ASS1: variants seen among roughly 807,000 people sequenced by gnomAD.
ASS1 encodes the protein argininosuccinate synthase 1.
Under a neutral mutation model 60.5 loss-of-function variants are expected in ASS1, and 58 were observed. That is an observed-to-expected ratio of 0.96 (90% CI 0.78 to 1.19). The LOEUF (loss-of-function observed/expected upper bound fraction) is 1.19. Among genes scored for constraint, ASS1 ranks in the 50% most tolerant of loss-of-function variants. The pLI is 0.00. For missense variants in ASS1, 454 were observed against 547.3 expected, an observed-to-expected ratio of 0.83 and a Z score of 1.70; for synonymous variants, 200 against 206.9, an observed-to-expected ratio of 0.97 and a Z score of 0.29.
At chr9:130,465,037 TATATA>T (rs1564906850) in intron 5 of ASS1, among the ~76,000 whole-genome samples, 15 of 119,318 alleles carry the variant, frequency 1.3e-4, no homozygotes, top group African/African-American at 5.1e-4. Context: ...ATATGTTTTA[TATATA>T]TATATATATA....
At position 130,479,015 on chromosome 9, in the gene ASS1, T is replaced by C. The variant is rs75912463; in HGVS notation, c.689-701T>C. Among the ~76,000 whole-genome samples the C allele has an allele frequency of 9.1e-3, 1,386 of 152,258 alleles. 8 individuals are homozygous for C. The highest frequency in any genetic ancestry group is 0.013 in the Non-Finnish European group (916 of 68,012). Reference sequence around the variant, plus strand: ...TTCTTTGTCACTGTTTCAGCTCTCTTGTTAGCCCCAATACATTTATTGCTC... The same window carrying C: ...TTCTTTGTCACTGTTTCAGCTCTCTCGTTAGCCCCAATACATTTATTGCTC... On this transcript the variant is annotated intron_variant, in intron 9 of 14. Coordinates refer to ENST00000352480, the MANE Select transcript of ASS1 (RefSeq NM_054012.4).
intron 1 of ASS1, among the ~76,000 whole-genome samples, chr9:130,446,072 G>A (rs1441100940): frequency 2.0e-5 from 3 of 152,056 alleles, no homozygotes; most frequent in Admixed American, 6.5e-5. Flanking sequence ...GGCTGGCCTC[G>A]AGCTCCTGGG....
chr9:130,453,463 G>T (rs1033428310), intron 2 of ASS1, among the ~76,000 whole-genome samples: 1 of 152,238 alleles, frequency 6.6e-6, no homozygotes, highest in Non-Finnish European at 1.5e-5. Context: ...CCCAGGGGAA[G>T]AAATACTTTG....
At chr9:130,466,447 G>A in intron 5 of ASS1, 2 of 538,280 alleles carry the variant, frequency 3.7e-6, no homozygotes, top group African/African-American at 1.9e-5. Flanking sequence ...GTCTCATCTG[G>A]GGAGACTGAG....
intron 9 of ASS1, among the ~76,000 whole-genome samples, chr9:130,479,169 C>T (rs1428976975): frequency 6.6e-6 from 1 of 151,954 alleles, no homozygotes; most frequent in Non-Finnish European, 1.5e-5. Flanking sequence ...ACGCTGCCGA[C>T]ACCTCGCCTG....
chr9:130,480,003 A>G (rs762961752), intron 10 of ASS1: 96 of 736,196 alleles, frequency 1.3e-4, no homozygotes, highest in Non-Finnish European at 2.3e-4. Flanking sequence ...CTTGGAAGAT[A>G]ACAACCCCAG....
intron 2 of ASS1, 65 bp from the exon 3 acceptor site, chr9:130,454,240 G>A: frequency 2.0e-6 from 3 of 1,526,626 alleles, no homozygotes; most frequent in Admixed American, 1.8e-5. Context: ...GCTGCTGCAT[G>A]CGGATGGTGT....
intron 2 of ASS1, 37 bp from the exon 3 acceptor site, chr9:130,454,268 C>T (rs537497392): frequency 5.6e-6 from 9 of 1,598,370 alleles, no homozygotes; most frequent in Middle Eastern, 2.2e-4. Flanking sequence ...GGGCTCCCCC[C>T]AGGGGCTGAC....
At chr9:130,461,482 T>C (rs1845593076) in intron 4 of ASS1, among the ~76,000 whole-genome samples, 1 of 152,080 alleles carries the variant, frequency 6.6e-6, no homozygotes, top group South Asian at 2.1e-4. Context: ...CCCAAGCTAG[T>C]GCTATGGCCG....
chr9:130,499,353 C>CA, intron 13 of ASS1, 152 bp from the exon 14 acceptor site: 2 of 822,794 alleles, frequency 2.4e-6, no homozygotes, highest in Non-Finnish European at 4.1e-6. Flanking sequence ...TACAGAAATT[C>CA]AATGGAAAGC....
At chr9:130,486,623 G>C (rs1846311679) in intron 11 of ASS1, among the ~76,000 whole-genome samples, 1 of 152,206 alleles carries the variant, frequency 6.6e-6, no homozygotes, top group Non-Finnish European at 1.5e-5. Flanking sequence ...CTTGGAGAGA[G>C]GCCATTTCCT....
In ASS1 at chr9:130,488,465, G is replaced by A. The variant is rs1345799176; in HGVS notation, c.839-868G>A. 2.6e-5 allele frequency among the ~76,000 whole-genome samples: 4 copies of A among 152,206 alleles called. No individual in the cohort carries two copies. The highest frequency in any genetic ancestry group is 7.2e-5 in the African/African-American group (3 of 41,436). ...GGGGCCTGGGCTGTGTGCTGTGGGC[G>A]GTCCTGCCTCTTGGTGCCCCACTGT... is the stretch of plus-strand genomic sequence containing the variant. On this transcript the variant is annotated intron_variant, in intron 11 of 14. Transcript: ENST00000352480. This position sits in a 1 kb window ranked among gnomAD's most constrained non-coding sequence, Gnocchi z 5.2.
chr9:130,494,055 T>C lies in ASS1; in HGVS notation c.971-812T>C, dbSNP rs917753726. Among the ~76,000 whole-genome samples the C allele has an allele frequency of 2.8e-4, 43 of 152,190 alleles. No homozygotes were observed. Among genetic ancestry groups the C allele is most frequent in the Non-Finnish European group, 5.9e-5 (4 of 68,042 alleles). On this transcript the variant is annotated intron_variant, in intron 12 of 14. Coordinates refer to ENST00000352480, the MANE Select transcript of ASS1 (RefSeq NM_054012.4). This position sits in a 1 kb window ranked among gnomAD's most constrained non-coding sequence, Gnocchi z 4.3. ...GTGATCCTGGAGAAGTTTCTTAACTTCTCTGAGCCTCCCTTCCTCACCCAG... is the reference window on the plus strand; with the variant it reads ...GTGATCCTGGAGAAGTTTCTTAACTCCTCTGAGCCTCCCTTCCTCACCCAG...
chr9:130,466,949 C>A, intron 6 of ASS1, 150 bp downstream of exon 6: 1 of 937,114 alleles, frequency 1.1e-6, no homozygotes, highest in Non-Finnish European at 1.7e-6. Flanking sequence ...TGCCTACACA[C>A]GTGGCCTCTG....
chr9:130,446,922 C>T lies in ASS1; in HGVS notation c.-6+1927C>T, dbSNP rs112680224. On this transcript the variant is annotated intron_variant, in intron 1 of 14. Transcript: ENST00000352480. ...TTTGGGCAAAGTTGATCTTCCAGGG[C>T]GTGGCTCCCTCCCCAGACTTGGGGT... 9.1e-4 allele frequency among the ~76,000 whole-genome samples: 138 copies of T among 152,324 alleles called. 2 individuals carry two copies. Among genetic ancestry groups the T allele is most frequent in the Middle Eastern group, 6.8e-3 (2 of 294 alleles).
chr9:130,452,171 G>T, intron 1 of ASS1, 53 bp from the exon 2 acceptor site: 1 of 1,495,108 alleles, frequency 6.7e-7, no homozygotes. Context: ...AGGGGCTGGC[G>T]GGGGGCACTG....
chr9:130,455,914 C>T (rs1845439872), intron 3 of ASS1, among the ~76,000 whole-genome samples: 1 of 152,196 alleles, frequency 6.6e-6, no homozygotes, highest in Non-Finnish European at 1.5e-5. Context: ...AGGCCTGGAA[C>T]TAGAATGTCC....
chr9:130,460,685 A>G (rs1588477573), intron 4 of ASS1, among the ~76,000 whole-genome samples: 1 of 152,290 alleles, frequency 6.6e-6, no homozygotes, highest in East Asian at 1.9e-4. Context: ...TAGGGCCAGG[A>G]CTGGGCTGAG....
chr9:130,448,216 A>G (rs1240755795), intron 1 of ASS1, among the ~76,000 whole-genome samples: 2 of 151,982 alleles, frequency 1.3e-5, no homozygotes, highest in Admixed American at 6.5e-5. Flanking sequence ...GGAGGGCAGG[A>G]GCAACGCTGC....
Sources: gnomAD v4.1 joint callset for allele counts (sites outside exome capture counted in the v4.1 genomes callset) on GRCh38, gnomAD v4.1.1 for gene constraint, Gnocchi (gnomAD v3.1) non-coding constraint, MANE v1.5 for transcripts, NCBI Gene and HGNC (gene_info 2026-07-23, HGNC 2026-07-21) for gene names.